Variants in SYN3 observed in about 807,000 individuals in gnomAD.
The protein encoded by SYN3 is synapsin-3.
Under a neutral mutation model 65.8 loss-of-function variants are expected in SYN3, and 35 were observed. That is an observed-to-expected ratio of 0.53 (90% CI 0.41 to 0.70). The LOEUF is 0.70. Among genes scored for constraint, SYN3 ranks in the 30% least tolerant of loss-of-function variants. SYN3 has a pLI of 0.00. For missense variants in SYN3, 680 were observed against 749.0 expected, an observed-to-expected ratio of 0.91 and a Z score of 1.08; for synonymous variants, 270 against 292.9, an observed-to-expected ratio of 0.92 and a Z score of 0.80.
chr22:33,015,229 A>T, intron 1 of SYN3: 1 of 419,156 alleles, frequency 2.4e-6, no homozygotes. Context: ...TCAAAAAAAA[A>T]AAAAAAAAAA....
intron 4 of SYN3, 144 bp from the exon 5 acceptor site, chr22:32,869,269 G>T: frequency 1.4e-6 from 1 of 713,734 alleles, no homozygotes; most frequent in Non-Finnish European, 2.3e-6. Flanking sequence ...GATGAGGGCA[G>T]TTAAATGCAA....
Position 33,028,643 on chromosome 22 carries a change from A to ATGGTGGTGGTGG in SYN3, c.-162-21831_-162-21820dup, listed in dbSNP as rs133971. Among the ~76,000 whole-genome samples the ATGGTGGTGGTGG allele has an allele frequency of 3.3e-3, 310 of 93,130 alleles. 5 individuals carry two copies. Among genetic ancestry groups the ATGGTGGTGGTGG allele is most frequent in the Middle Eastern group, 5.1e-3 (1 of 196 alleles). The allele number at this position is 93,130 out of a possible 152,430, so 61.1% of individuals were successfully genotyped here. A position where few individuals can be genotyped will look rare whatever the true frequency, so the allele number is the denominator to read the frequency against. On this transcript the variant is annotated intron_variant, in intron 1 of 13. Coordinates refer to ENST00000358763, the MANE Select transcript of SYN3 (RefSeq NM_003490.4). ...ACTAGGAAGTATAATAAGAACCATG[A>ATGGTGGTGGTGG]TGGTGGTGGTGGTGGTGGTGGTGGT...
intron 6 of SYN3, among the ~76,000 whole-genome samples, chr22:32,805,385 C>T (rs931042984): frequency 2.6e-5 from 4 of 152,176 alleles, no homozygotes; most frequent in Non-Finnish European, 4.4e-5. Context: ...CAGATCCATC[C>T]CCTCTCCCTC....
At chr22:32,773,144 C>A (rs1233806641) in intron 6 of SYN3, among the ~76,000 whole-genome samples, 1 of 152,106 alleles carries the variant, frequency 6.6e-6, no homozygotes, top group Non-Finnish European at 1.5e-5. Flanking sequence ...CGTGGTGGCT[C>A]ATGGGTAATC....
chr22:32,652,558 T>A (rs894285302), intron 6 of SYN3, among the ~76,000 whole-genome samples: 1 of 152,006 alleles, frequency 6.6e-6, no homozygotes, highest in Non-Finnish European at 1.5e-5. Flanking sequence ...CAGATTTATA[T>A]AAAAATCTAA....
At chr22:33,024,203 C>A (rs545376487) in intron 1 of SYN3, among the ~76,000 whole-genome samples, 1 of 152,228 alleles carries the variant, frequency 6.6e-6, no homozygotes, top group Non-Finnish European at 1.5e-5. Flanking sequence ...CCAGCACCCT[C>A]CAGACTGGGT....
intron 13 of SYN3, among the ~76,000 whole-genome samples, chr22:32,514,035 A>AAAT (rs2057729919): frequency 6.6e-6 from 1 of 152,168 alleles, no homozygotes; most frequent in Admixed American, 6.5e-5. Context: ...TTAGGTTCAG[A>AAAT]AATAGGGGTT....
intron 6 of SYN3, among the ~76,000 whole-genome samples, chr22:32,856,688 G>A (rs1481908069): frequency 6.6e-6 from 1 of 152,056 alleles, no homozygotes; most frequent in Non-Finnish European, 1.5e-5. Context: ...TCCTCTACTA[G>A]CTACTTTGAG....
chr22:32,655,386 CA>C (rs1298058395), intron 6 of SYN3, among the ~76,000 whole-genome samples: 2 of 152,206 alleles, frequency 1.3e-5, no homozygotes, highest in African/African-American at 4.8e-5. Flanking sequence ...TGGACTAAGA[CA>C]GGGGTCTCCA....
At chr22:32,692,164 A>C (rs1275776490) in intron 6 of SYN3, among the ~76,000 whole-genome samples, 2 of 137,892 alleles carry the variant, frequency 1.5e-5, no homozygotes, top group African/African-American at 2.8e-5. Flanking sequence ...ACAAAAAAAA[A>C]AAAAAAAAAA....
At chr22:32,556,538 A>G (rs1368806516) in intron 7 of SYN3, among the ~76,000 whole-genome samples, 1 of 152,208 alleles carries the variant, frequency 6.6e-6, no homozygotes, top group Non-Finnish European at 1.5e-5. Context: ...AATTAAAAAT[A>G]TACTGTGCTA....
At chr22:32,519,869 A>G (rs538527126) in intron 12 of SYN3, among the ~76,000 whole-genome samples, 1 of 152,236 alleles carries the variant, frequency 6.6e-6, no homozygotes, top group African/African-American at 2.4e-5. Flanking sequence ...ACTGAAAACT[A>G]AAAGGTGCTG....
chr22:32,683,838 T>C (rs1444573286), intron 6 of SYN3, among the ~76,000 whole-genome samples: 2 of 152,204 alleles, frequency 1.3e-5, no homozygotes, highest in Admixed American at 6.5e-5. Context: ...CCCATAACAA[T>C]ACCCTTCTCT....
At chr22:32,767,473 A>T (rs570482059) in intron 6 of SYN3, among the ~76,000 whole-genome samples, 1 of 152,062 alleles carries the variant, frequency 6.6e-6, no homozygotes, top group Non-Finnish European at 1.5e-5. Context: ...CTGAATTTTC[A>T]TTTGATTGGA....
At chr22:32,591,171 A>G (rs998964520) in intron 7 of SYN3, among the ~76,000 whole-genome samples, 4 of 152,224 alleles carry the variant, frequency 2.6e-5, no homozygotes, top group African/African-American at 7.2e-5. Context: ...CCTAGATTCA[A>G]ATAAACACCC....
chr22:32,676,921 G>T (rs1385230833), intron 6 of SYN3, among the ~76,000 whole-genome samples: 1 of 152,106 alleles, frequency 6.6e-6, no homozygotes, highest in African/African-American at 2.4e-5. Flanking sequence ...ACATCCTTCT[G>T]AGAACCATGC....
chr22:32,935,285 TTCTC>T (rs34290935), intron 3 of SYN3, among the ~76,000 whole-genome samples: 113 of 144,704 alleles, frequency 7.8e-4, no homozygotes, highest in African/African-American at 2.0e-3. Flanking sequence ...CTCTCTCTCT[TTCTC>T]TCTCTCTCTC....
chr22:32,877,799 C>T (rs137497), intron 4 of SYN3, among the ~76,000 whole-genome samples: 39,240 of 151,892 alleles, frequency 0.26, 5,501 homozygotes, highest in East Asian at 0.52. Flanking sequence ...AGCTCTTCTC[C>T]AAGAGAAGAG....
At chr22:32,633,024 A>G (rs1184129741) in intron 6 of SYN3, among the ~76,000 whole-genome samples, 1 of 152,168 alleles carries the variant, frequency 6.6e-6, no homozygotes, top group Admixed American at 6.5e-5. Flanking sequence ...GCTCCTTCAC[A>G]TACAGGCTCA....
Sources: allele counts gnomAD v4.1 joint callset (sites outside exome capture counted in the v4.1 genomes callset), GRCh38; gene constraint gnomAD v4.1.1; transcripts MANE v1.5; gene names NCBI Gene and HGNC (gene_info 2026-07-23, HGNC 2026-07-21).